The following WHAMM variants were observed in gnomAD, a reference collection of about 807,000 sequenced individuals.
WHAMM encodes WASP homolog-associated protein with actin, membranes and microtubules.
Under a neutral mutation model 76.5 loss-of-function variants are expected in WHAMM, and 67 were observed. The observed-to-expected ratio is 0.88, with a 90% CI of 0.72 to 1.07. WHAMM has a LOEUF of 1.07. WHAMM is among the 50% of genes least tolerant of loss of function. The pLI is 0.00. For missense variants in WHAMM, 1,021 were observed against 1,051.1 expected, an observed-to-expected ratio of 0.97 and a Z score of 0.40; for synonymous variants, 419 against 422.1, an observed-to-expected ratio of 0.99 and a Z score of 0.09.
chr15:82,809,932 C>T lies in WHAMM; in HGVS notation c.206C>T (p.Pro69Leu), dbSNP rs201191404. 442 of 1,447,562 alleles carry T rather than the reference C, an allele frequency of 3.1e-4. 1 individual carries two copies. Among genetic ancestry groups the T allele is most frequent in the Non-Finnish European group, 3.9e-4 (432 of 1,095,496 alleles). 89.7% of individuals were successfully genotyped at this position (1,447,562 alleles called of 1,614,324 possible). A position where few individuals can be genotyped will look rare whatever the true frequency, so the allele number is the denominator to read the frequency against. Residue 69 changes from proline to leucine, a missense_variant, in exon 1 of 10, where the codon CCT becomes CTT. Physicochemically the swap from Pro to Leu is moderately conservative, Grantham distance 98 (BLOSUM62 -3). Coordinates refer to ENST00000286760, the MANE Select transcript of WHAMM (RefSeq NM_001080435.3). ...ARLGPEPEPK[P>L]EAAVSPSSWA... Reference sequence around the variant, plus strand: ...TTGGGGCCCGAGCCCGAGCCCAAGCCTGAGGCCGCCGTCTCCCCGTCCAGC... The same window carrying T: ...TTGGGGCCCGAGCCCGAGCCCAAGCTTGAGGCCGCCGTCTCCCCGTCCAGC...
intron 2 of WHAMM, among the ~76,000 whole-genome samples, chr15:82,814,766 CTTTTTTTTTT>C (rs773443880): frequency 4.2e-5 from 4 of 94,774 alleles, no homozygotes; most frequent in East Asian, 3.2e-4. Context: ...TTTTTCCTTT[CTTTTTTTTTT>C]TTTTTTTTTT....
At chr15:82,815,155 A>ATATATATATG (rs55807384) in intron 2 of WHAMM, among the ~76,000 whole-genome samples, 13 of 46,138 alleles carry the variant, frequency 2.8e-4, no homozygotes, top group South Asian at 1.9e-3. Context: ...ATATATATAT[A>ATATATATATG]GTACAATTCA....
intron 8 of WHAMM, among the ~76,000 whole-genome samples, chr15:82,827,237 T>C (rs2050950730): frequency 6.6e-6 from 1 of 152,346 alleles, no homozygotes; most frequent in East Asian, 1.9e-4. Context: ...CATTGTGATA[T>C]AAGTGTAGTG....
In WHAMM at chr15:82,818,090, G is replaced by A. The variant is rs758756135; in HGVS notation, c.1104+1G>A. On this transcript the variant is annotated splice_donor_variant, in intron 4 of 9. Transcript: ENST00000286760. LOFTEE classifies it high-confidence loss of function. ...CAAAAGAGCTGAAATTCAGGGAAAGGTAAGACAAAGATAAACATAACTTTG... is the reference window on the plus strand; with the variant it reads ...CAAAAGAGCTGAAATTCAGGGAAAGATAAGACAAAGATAAACATAACTTTG... 3 of 1,540,444 alleles carry A rather than the reference G, an allele frequency of 1.9e-6. No individual in the cohort carries two copies. Among genetic ancestry groups the A allele is most frequent in the Non-Finnish European group, 1.8e-6 (2 of 1,141,888 alleles).
At chr15:82,832,277 AC>A (rs1490624293) in intron 9 of WHAMM, among the ~76,000 whole-genome samples, 2 of 152,208 alleles carry the variant, frequency 1.3e-5, no homozygotes, top group African/African-American at 2.4e-5. Context: ...CTGTCTCATT[AC>A]CCCCAGAAAG....
At chr15:82,823,562 G>A (rs1313113879) in intron 6 of WHAMM, among the ~76,000 whole-genome samples, 1 of 151,350 alleles carries the variant, frequency 6.6e-6, no homozygotes, top group Non-Finnish European at 1.5e-5. Flanking sequence ...CAGGCACACA[G>A]GCACTTTATT....
At position 82,809,942 on chromosome 15, in the gene WHAMM, C is replaced by T. The variant is rs775372200; in HGVS notation, c.216C>T (p.Ala72=). The change falls in exon 1 of 10, where the codon GCC becomes GCT. Residue 72 remains alanine (A), a synonymous_variant. Transcript: ENST00000286760. The part of the protein sequence containing the change: ...GPEPEPKPEA[A]VSPSSWAGLL... ...AGCCCGAGCCCAAGCCTGAGGCCGC[C>T]GTCTCCCCGTCCAGCTGGGCCGGCC... 10 of 1,418,282 alleles carry T rather than the reference C, an allele frequency of 7.1e-6. No individual in the cohort carries two copies. The highest frequency in any genetic ancestry group is 8.3e-6 in the Non-Finnish European group (9 of 1,081,974). 87.9% of individuals were successfully genotyped at this position (1,418,282 alleles called of 1,614,324 possible).
chr15:82,816,631 T>G, intron 2 of WHAMM, 61 bp from the exon 3 acceptor site: 1 of 1,462,746 alleles, frequency 6.8e-7, no homozygotes, highest in Non-Finnish European at 9.1e-7. Flanking sequence ...TCCTTTCAAT[T>G]TCCTAATGGC....
rs375010300 is a variant in WHAMM at position 82,813,192 on chromosome 15, C to T, written c.699C>T (p.Thr233=). ...EEDEAYQELV[T]VATMFFQYLL... is the part of the protein sequence containing the mutation. ...ATGAAGCATACCAGGAATTGGTTAC[C>T]GTGGCAACCATGTTCTTCCAGTACT... Residue 233 remains threonine (T), a synonymous_variant, in exon 2 of 10, where the codon ACC becomes ACT. Coordinates refer to ENST00000286760, the MANE Select transcript of WHAMM (RefSeq NM_001080435.3). 218 of 1,612,864 alleles carry T rather than the reference C, an allele frequency of 1.4e-4. No individual in the cohort carries two copies. The highest frequency in any genetic ancestry group is 1.7e-4 in the Non-Finnish European group (202 of 1,179,474).
chr15:82,828,716 G>A (rs1306651543), intron 8 of WHAMM, among the ~76,000 whole-genome samples: 1 of 152,070 alleles, frequency 6.6e-6, no homozygotes. Context: ...AGCTCCCAGC[G>A]AAACTGGAAC....
intron 9 of WHAMM, among the ~76,000 whole-genome samples, chr15:82,832,540 TTG>T (rs1040376465): frequency 6.6e-6 from 1 of 152,170 alleles, no homozygotes; most frequent in African/African-American, 2.4e-5. Flanking sequence ...TCTGATCTAA[TTG>T]TGTTTTGACA....
At chr15:82,811,424 G>A (rs954203821) in intron 1 of WHAMM, among the ~76,000 whole-genome samples, 1 of 152,252 alleles carries the variant, frequency 6.6e-6, no homozygotes, top group East Asian at 1.9e-4. Context: ...GAGATAGGTG[G>A]TTTCTCCTTA....
In WHAMM at chr15:82,833,641, T is replaced by G. The variant is rs1011289719; in HGVS notation, c.*105T>G. The G allele has an allele frequency of 1.8e-5, 23 of 1,262,290 alleles. No individual in the cohort carries two copies. The African/African-American group carries it at 2.5e-4, about 14-fold the overall frequency. 78.2% of individuals were successfully genotyped at this position (1,262,290 alleles called of 1,614,324 possible). A position where few individuals can be genotyped will look rare whatever the true frequency, so the allele number is the denominator to read the frequency against. ...ACAGGGTGCTGATAGATGGGCCACA[T>G]AACACCCCGGAAGATCAGCAGGGCC... is the stretch of plus-strand genomic sequence containing the variant. On this transcript the variant is annotated 3_prime_UTR_variant, in exon 10 of 10. Coordinates refer to ENST00000286760, the MANE Select transcript of WHAMM (RefSeq NM_001080435.3).
At position 82,825,923 on chromosome 15, in the gene WHAMM, TA is replaced by T. The variant is rs1245009478; in HGVS notation, c.1459-486del. 8.5e-5 allele frequency among the ~76,000 whole-genome samples: 13 copies of T among 152,350 alleles called. No individual in the cohort carries two copies. The East Asian group carries it at 2.1e-3, about 25-fold the overall frequency. ...GTTAGTATTATCTGTATTACTGTAT[TA>T]TTTTTTACATAGATGAAGGATTTTA... On this transcript the variant is annotated intron_variant, in intron 6 of 9. Transcript: ENST00000286760.
chr15:82,810,466 G>C (rs2050609183), intron 1 of WHAMM, 131 bp downstream of exon 1: 1 of 1,223,086 alleles, frequency 8.2e-7, no homozygotes, highest in African/African-American at 1.6e-5. Flanking sequence ...AAGGCCGCGG[G>C]CTCCCCAGTG....
chr15:82,815,155 A>ATAAAAT (rs55807384), intron 2 of WHAMM, among the ~76,000 whole-genome samples: 1 of 46,148 alleles, frequency 2.2e-5, no homozygotes. Context: ...ATATATATAT[A>ATAAAAT]GTACAATTCA....
intron 2 of WHAMM, 150 bp downstream of exon 2, chr15:82,813,426 T>A: frequency 5.3e-5 from 45 of 847,092 alleles, no homozygotes; most frequent in Non-Finnish European, 6.7e-5. Context: ...AGAGATGAGG[T>A]TTTGCCATGT....
At chr15:82,829,096 G>T (rs1351666095) in intron 8 of WHAMM, among the ~76,000 whole-genome samples, 1 of 152,204 alleles carries the variant, frequency 6.6e-6, no homozygotes, top group Admixed American at 6.5e-5. Flanking sequence ...TTGCGATCAA[G>T]AAAGTTTTTT....
chr15:82,819,741 C>T (rs980332364), intron 5 of WHAMM, among the ~76,000 whole-genome samples: 1 of 152,248 alleles, frequency 6.6e-6, no homozygotes, highest in African/African-American at 2.4e-5. Flanking sequence ...CGCCTATAAT[C>T]CCAGCACTGT....
Sources: gnomAD v4.1 joint callset for allele counts (sites outside exome capture counted in the v4.1 genomes callset) on GRCh38, gnomAD v4.1.1 for gene constraint, MANE v1.5 for transcripts, NCBI Gene and HGNC (gene_info 2026-07-23, HGNC 2026-07-21) for gene names.